Variants in CDK11B observed in about 807,000 individuals in gnomAD.
CDK11B encodes the protein cyclin-dependent kinase 11B.
CDK11B carries 37 observed loss-of-function variants against 84.0 expected under a neutral mutation model. The ratio of observed to expected loss-of-function variants is 0.44; its 90% CI spans 0.34 to 0.58. The LOEUF (loss-of-function observed/expected upper bound fraction) is 0.58. CDK11B is among the 20% of genes least tolerant of loss of function. The pLI, the probability that CDK11B is intolerant of heterozygous loss-of-function variation, is 0.02. For synonymous variants in CDK11B, 269 were observed against 309.8 expected, an observed-to-expected ratio of 0.87 and a Z score of 1.38; for missense variants, 427 against 834.0, an observed-to-expected ratio of 0.51 and a Z score of 6.01.
At chr1:1,649,769 G>A (rs1641648298) in intron 4 of CDK11B, 132 bp from the exon 5 acceptor site, 1 of 754,852 alleles carries the variant, frequency 1.3e-6, no homozygotes, top group African/African-American at 1.8e-5. Flanking sequence ...GAGGTCAGGA[G>A]TTCAAGGCCA....
rs780000644 is a variant in CDK11B, at chr1:1,637,070, G to T, written c.1692+11C>A. The T allele has an allele frequency of 6.2e-7, 1 of 1,613,530 alleles. No individual in the cohort carries two copies. Among genetic ancestry groups the T allele is most frequent in the South Asian group, 1.1e-5 (1 of 91,064 alleles). On this transcript the variant is annotated intron_variant, in intron 15 of 19. Coordinates refer to ENST00000341832, the MANE Select transcript of CDK11B (RefSeq NM_033486.3). ...GTCTCCCTGGGATGGGCCACTCGGA[G>T]GGGGGCTCACCTTGAGGATGCCGGC... is the stretch of plus-strand genomic sequence containing the variant.
In CDK11B at chr1:1,656,498, CAAAA is replaced by C. The variant is rs1557727918; in HGVS notation, c.111+873_111+876del. 5.3e-5 allele frequency among the ~76,000 whole-genome samples: 8 copies of C among 151,586 alleles called. No homozygotes were observed. The South Asian group carries it at 1.7e-3, about 32-fold the overall frequency. ...GGAGCAAGACTGTCTCAAAAACAAA[CAAAA>C]AAGGCCGGGCGCGGAGGCTCATGCC... On this transcript the variant is annotated intron_variant, in intron 2 of 19. Coordinates refer to ENST00000341832, the MANE Select transcript of CDK11B (RefSeq NM_033486.3).
intron 5 of CDK11B, among the ~76,000 whole-genome samples, chr1:1,649,249 G>A (rs1414049570): frequency 2.6e-5 from 4 of 152,048 alleles, no homozygotes; most frequent in Non-Finnish European, 4.4e-5. Flanking sequence ...ACAGGTGCCC[G>A]CCACCATGCC....
chr1:1,639,328 G>T (rs1570046312), intron 11 of CDK11B, among the ~76,000 whole-genome samples: 1 of 151,756 alleles, frequency 6.6e-6, no homozygotes, highest in Non-Finnish European at 1.5e-5. Context: ...GAAATGGGAG[G>T]ATTGTTTGAG....
At chr1:1,650,268 CAA>C (rs1212256890) in intron 4 of CDK11B, among the ~76,000 whole-genome samples, 21 of 45,776 alleles carry the variant, frequency 4.6e-4, no homozygotes, top group African/African-American at 1.1e-3. Context: ...GACTCCGTCC[CAA>C]AAAAAAAAAA....
chr1:1,637,519 G>A lies in CDK11B; in HGVS notation c.1465-6C>T, dbSNP rs776307625. On this transcript the variant is annotated splice_polypyrimidine_tract_variant and splice_region_variant and intron_variant, in intron 13 of 19. Coordinates refer to ENST00000341832, the MANE Select transcript of CDK11B (RefSeq NM_033486.3). ...TTGCTGCCCACCACAATCTCCTGCA[G>A]GGCACGGCTCTGTGGGTGCTGGGCA... The A allele has an allele frequency of 6.2e-7, 1 of 1,613,056 alleles. No individual in the cohort carries two copies. The highest frequency in any genetic ancestry group is 8.5e-7 in the Non-Finnish European group (1 of 1,179,418).
chr1:1,637,679 G>A, intron 13 of CDK11B, 83 bp downstream of exon 13: 3 of 1,612,192 alleles, frequency 1.9e-6, no homozygotes, highest in Non-Finnish European at 2.5e-6. Context: ...GGAGAGTGTA[G>A]GAAGCACCCG....
At chr1:1,655,299 G>A (rs552860193) in intron 3 of CDK11B, 70 bp downstream of exon 3, 16 of 1,539,066 alleles carry the variant, frequency 1.0e-5, no homozygotes, top group East Asian at 6.9e-5. Flanking sequence ...TTGTCACAGC[G>A]ACCCTAGGAA....
intron 2 of CDK11B, among the ~76,000 whole-genome samples, chr1:1,655,907 AAAC>A (rs1642686137): frequency 1.3e-5 from 2 of 150,984 alleles, no homozygotes; most frequent in South Asian, 4.2e-4. Context: ...ACAAACAAAC[AAAC>A]TTTAATTCAA....
rs1350866229 is a variant in CDK11B at position 1,655,408 on chromosome 1, C to T, written c.188G>A (p.Arg63Lys). ...GTCTTCTCTTCTATACGGGGAGTTC[C>T]TTATTGTGATCTCCATGCGGTGATC... is the stretch of plus-strand genomic sequence containing the variant. ...LRDHRMEITIRNSPYRREDSM... is the reference protein window; with the variant it reads ...LRDHRMEITIKNSPYRREDSM... The change falls in exon 3 of 20, where the codon AGG becomes AAG. Residue 63 changes from arginine to lysine, a missense_variant. By Grantham distance (26) the Arg-to-Lys change is conservative (BLOSUM62 2). Transcript: ENST00000341832. 2.5e-6 allele frequency: 4 copies of T among 1,613,464 alleles called. No individual in the cohort carries two copies. Among genetic ancestry groups the T allele is most frequent in the Non-Finnish European group, 3.4e-6 (4 of 1,179,608 alleles).
chr1:1,646,274 GTGTC>G, intron 5 of CDK11B: 1 of 392,614 alleles, frequency 2.5e-6, no homozygotes, highest in Non-Finnish European at 5.0e-6. Flanking sequence ...TTGCTTTGTT[GTGTC>G]TTTTTTATTC....
intron 3 of CDK11B, among the ~76,000 whole-genome samples, chr1:1,652,993 GA>G (rs1642205283): frequency 6.6e-6 from 1 of 151,326 alleles, no homozygotes; most frequent in South Asian, 2.1e-4. Context: ...AAAGTGCTGG[GA>G]TTACAGGCGT....
At chr1:1,649,702 C>T (rs1291699356) in intron 4 of CDK11B, 65 bp from the exon 5 acceptor site, 48 of 1,541,272 alleles carry the variant, frequency 3.1e-5, no homozygotes, top group East Asian at 2.7e-4. Flanking sequence ...AAGCCGGGCA[C>T]GGAGGCTTAT....
At chr1:1,639,356 C>A (rs937830844) in intron 11 of CDK11B, among the ~76,000 whole-genome samples, 1 of 151,666 alleles carries the variant, frequency 6.6e-6, no homozygotes, top group African/African-American at 2.4e-5. Flanking sequence ...GGGGGAGGCT[C>A]CAGTGAGCTA....
chr1:1,644,917 C>T (rs565727707), intron 6 of CDK11B, among the ~76,000 whole-genome samples: 5 of 147,116 alleles, frequency 3.4e-5, no homozygotes, highest in Admixed American at 1.3e-4. Flanking sequence ...CACTTGAACC[C>T]GGGAGGCAGA....
chr1:1,649,885 A>C (rs1182805914), intron 4 of CDK11B, among the ~76,000 whole-genome samples: 2 of 150,772 alleles, frequency 1.3e-5, no homozygotes, highest in African/African-American at 4.9e-5. Flanking sequence ...CTGAGGCAGA[A>C]GAATTGCTTG....
intron 3 of CDK11B, 89 bp from the exon 4 acceptor site, chr1:1,652,655 T>G: frequency 5.2e-6 from 5 of 967,766 alleles, no homozygotes; most frequent in Non-Finnish European, 7.2e-6. Flanking sequence ...CCCAGAAAAA[T>G]GCATGATTCA....
Position 1,655,445 on chromosome 1 carries a change from C to G in CDK11B, c.151G>C (p.Gly51Arg). The G allele has an allele frequency of 6.2e-7, 1 of 1,613,084 alleles. No homozygotes were observed. The highest frequency in any genetic ancestry group is 8.5e-7 in the Non-Finnish European group (1 of 1,179,160). Reference protein sequence around the residue: ...RDSKRDSLEEGELRDHRMEIT... With the variant: ...RDSKRDSLEERELRDHRMEIT... The stretch of plus-strand genomic sequence containing the variant: ...TCCATGCGGTGATCTCTCAGCTCCC[C>G]CTCCTCAAGGGAATCCCGCTTGGAA... The change falls in exon 3 of 20, where the codon GGG (glycine) becomes CGG (arginine). Residue 51 changes from glycine (G) to arginine (R), a missense_variant. Physicochemically the swap from Gly to Arg is moderately radical, Grantham distance 125. Transcript: ENST00000341832.
In CDK11B at chr1:1,653,610, T is replaced by C. The variant is rs116956437; in HGVS notation, c.228-1044A>G. On this transcript the variant is annotated intron_variant, in intron 3 of 19. Coordinates refer to ENST00000341832, the MANE Select transcript of CDK11B (RefSeq NM_033486.3). ...TGTTGGGATTACAGGCGCGAGCTACTGCACCCAGCCATTCACATCATATTT... is the reference window on the plus strand; with the variant it reads ...TGTTGGGATTACAGGCGCGAGCTACCGCACCCAGCCATTCACATCATATTT... Among the ~76,000 whole-genome samples the C allele has an allele frequency of 2.9e-3, 446 of 151,962 alleles. 6 individuals are homozygous for C. The East Asian group carries it at 0.074, about 25-fold the overall frequency.
Sources: allele counts gnomAD v4.1 joint callset (sites outside exome capture counted in the v4.1 genomes callset), GRCh38; gene constraint gnomAD v4.1.1; transcripts MANE v1.5; gene names NCBI Gene and HGNC (gene_info 2026-07-23, HGNC 2026-07-21).